MAGI2: variants seen among roughly 807,000 people sequenced by gnomAD.
MAGI2 encodes membrane-associated guanylate kinase, WW and PDZ domain-containing protein 2.
MAGI2 carries 35 observed loss-of-function variants against 133.3 expected under a neutral mutation model. The observed-to-expected ratio is 0.26, with a 90% CI of 0.20 to 0.35. MAGI2 has a LOEUF of 0.35. MAGI2 is among the 10% of genes least tolerant of loss of function. The pLI is 1.00. For synonymous variants in MAGI2, 729 were observed against 710.6 expected, an observed-to-expected ratio of 1.03 and a Z score of -0.41; for missense variants, 1,636 against 1,863.4, an observed-to-expected ratio of 0.88 and a Z score of 2.25.
intron 1 of MAGI2, among the ~76,000 whole-genome samples, chr7:79,120,425 C>T (rs944371981): frequency 6.6e-6 from 1 of 152,040 alleles, no homozygotes; most frequent in African/African-American, 2.4e-5. Flanking sequence ...TGCTTTTTCC[C>T]TTTTAATATT....
intron 1 of MAGI2, among the ~76,000 whole-genome samples, chr7:79,025,094 G>A (rs760026619): frequency 1.4e-4 from 21 of 151,994 alleles, no homozygotes; most frequent in Non-Finnish European, 2.9e-4. Flanking sequence ...CAAAGACATG[G>A]AATCAACATA....
intron 6 of MAGI2, among the ~76,000 whole-genome samples, chr7:78,463,256 G>A (rs981527616): frequency 2.0e-5 from 3 of 152,196 alleles, no homozygotes; most frequent in African/African-American, 4.8e-5. Flanking sequence ...AGACACCAAC[G>A]AGGCATTTGC....
intron 2 of MAGI2, among the ~76,000 whole-genome samples, chr7:78,831,257 A>C (rs1791125139): frequency 6.6e-6 from 1 of 152,182 alleles, no homozygotes; most frequent in Non-Finnish European, 1.5e-5. Context: ...TCCTTCCAAG[A>C]ATAGGTTAGA....
At chr7:78,226,642 C>T (rs1046395996) in intron 10 of MAGI2, among the ~76,000 whole-genome samples, 1 of 152,216 alleles carries the variant, frequency 6.6e-6, no homozygotes, top group Admixed American at 6.5e-5. Flanking sequence ...TGTAATATCA[C>T]GGTCTGCCTT....
At chr7:79,066,911 A>T (rs951811985) in intron 1 of MAGI2, among the ~76,000 whole-genome samples, 1 of 152,068 alleles carries the variant, frequency 6.6e-6, no homozygotes, top group Non-Finnish European at 1.5e-5. Flanking sequence ...CAAAAAACAG[A>T]TGGTTGTAGA....
intron 1 of MAGI2, among the ~76,000 whole-genome samples, chr7:79,339,978 G>A (rs537600541): frequency 6.6e-6 from 1 of 152,218 alleles, no homozygotes; most frequent in Non-Finnish European, 1.5e-5. Context: ...CATATATCCT[G>A]AGTATGTAGC....
intron 21 of MAGI2, among the ~76,000 whole-genome samples, chr7:78,068,111 G>C (rs974767334): frequency 1.3e-5 from 2 of 152,202 alleles, no homozygotes; most frequent in Non-Finnish European, 2.9e-5. Flanking sequence ...AGACCAGGTG[G>C]GGGTAGGGGG....
At chr7:78,472,314 A>G (rs986930334) in intron 6 of MAGI2, among the ~76,000 whole-genome samples, 2 of 152,150 alleles carry the variant, frequency 1.3e-5, no homozygotes, top group African/African-American at 4.8e-5. Flanking sequence ...ATTTATATAC[A>G]TATACCATAC....
chr7:79,077,011 G>A (rs575317903), intron 1 of MAGI2, among the ~76,000 whole-genome samples: 45 of 152,266 alleles, frequency 3.0e-4, no homozygotes, highest in African/African-American at 9.9e-4. Context: ...CCAGGGACTG[G>A]GATATGGTAT....
intron 2 of MAGI2, among the ~76,000 whole-genome samples, chr7:78,943,529 T>C (rs1249584525): frequency 6.6e-6 from 1 of 152,198 alleles, no homozygotes; most frequent in African/African-American, 2.4e-5. Flanking sequence ...CTTTGTGTAC[T>C]GGCTGTTGCC....
chr7:78,822,627 C>T (rs756671992), intron 2 of MAGI2, among the ~76,000 whole-genome samples: 1 of 152,036 alleles, frequency 6.6e-6, no homozygotes, highest in Non-Finnish European at 1.5e-5. Context: ...ATATAATTAA[C>T]TTCTTTCCAG....
chr7:78,450,884 G>A (rs1788655729), intron 6 of MAGI2, among the ~76,000 whole-genome samples: 1 of 152,066 alleles, frequency 6.6e-6, no homozygotes, highest in South Asian at 2.1e-4. Context: ...TCAAGCAATA[G>A]CGAGAAGAAC....
intron 2 of MAGI2, among the ~76,000 whole-genome samples, chr7:78,663,609 T>C (rs1011140067): frequency 6.6e-6 from 1 of 152,230 alleles, no homozygotes; most frequent in African/African-American, 2.4e-5. Context: ...TAATAAAAAC[T>C]GATACTTTAT....
intron 1 of MAGI2, among the ~76,000 whole-genome samples, chr7:79,438,373 CCTAAT>C (rs910847304): frequency 3.7e-4 from 56 of 152,152 alleles, no homozygotes; most frequent in Admixed American, 1.4e-3. Flanking sequence ...AATTCCAATG[CCTAAT>C]CTAAATTGCT....
At chr7:78,228,026 A>G (rs1311848889) in intron 10 of MAGI2, among the ~76,000 whole-genome samples, 1 of 152,230 alleles carries the variant, frequency 6.6e-6, no homozygotes, top group African/African-American at 2.4e-5. Flanking sequence ...CTCTGCCCTC[A>G]CAATGCAAAA....
At chr7:79,419,934 A>G (rs903782926) in intron 1 of MAGI2, among the ~76,000 whole-genome samples, 5 of 152,068 alleles carry the variant, frequency 3.3e-5, no homozygotes, top group African/African-American at 4.8e-5. Context: ...GTCCACCTAC[A>G]TATACCTACA....
intron 1 of MAGI2, among the ~76,000 whole-genome samples, chr7:79,009,589 T>G (rs1288754401): frequency 1.3e-5 from 2 of 152,164 alleles, no homozygotes; most frequent in African/African-American, 4.8e-5. Context: ...CCCATTATTC[T>G]TTCCTTTTAA....
At chr7:78,620,877 G>C (rs1807661631) in intron 3 of MAGI2, among the ~76,000 whole-genome samples, 1 of 151,950 alleles carries the variant, frequency 6.6e-6, no homozygotes, top group South Asian at 2.1e-4. Context: ...CAACAGAAGT[G>C]GTGTTCTGGA....
chr7:78,516,568 G>A (rs1247790966), intron 4 of MAGI2, among the ~76,000 whole-genome samples: 4 of 152,148 alleles, frequency 2.6e-5, no homozygotes, highest in Non-Finnish European at 5.9e-5. Context: ...GCCCAGGCTG[G>A]TCTTGAATTC....
Sources: gnomAD v4.1 joint callset for allele counts (sites outside exome capture counted in the v4.1 genomes callset) on GRCh38, gnomAD v4.1.1 for gene constraint, MANE v1.5 for transcripts, NCBI Gene and HGNC (gene_info 2026-07-23, HGNC 2026-07-21) for gene names.